ATP6V0E1: variants seen among roughly 807,000 people sequenced by gnomAD.
The protein encoded by ATP6V0E1 is ATPase H+ transporting V0 subunit e1.
Under a neutral mutation model 11.6 loss-of-function variants are expected in ATP6V0E1, and 4 were observed. That is an observed-to-expected ratio of 0.35 (90% CI 0.17 to 0.79). The LOEUF is 0.79. Among genes scored for constraint, ATP6V0E1 ranks in the 30% least tolerant of loss-of-function variants. ATP6V0E1 has a pLI of 0.54. For synonymous variants in ATP6V0E1, 36 were observed against 34.8 expected, an observed-to-expected ratio of 1.04 and a Z score of -0.13; for missense variants, 105 against 100.0, an observed-to-expected ratio of 1.05 and a Z score of -0.21.
At chr5:173,020,396 G>T in intron 3 of ATP6V0E1, 29 bp downstream of exon 3, 1 of 1,340,256 alleles carries the variant, frequency 7.5e-7, no homozygotes. Context: ...TTTCTTATCA[G>T]TATGGTCAGG....
chr5:172,993,841 A>G (rs889150401), intron 1 of ATP6V0E1, among the ~76,000 whole-genome samples: 1 of 152,106 alleles, frequency 6.6e-6, no homozygotes, highest in Non-Finnish European at 1.5e-5. Context: ...ACTGCACTCT[A>G]GCCTGGGCGA....
intron 2 of ATP6V0E1, among the ~76,000 whole-genome samples, chr5:173,014,618 T>G (rs1257747140): frequency 1.3e-5 from 2 of 152,168 alleles, no homozygotes; most frequent in Non-Finnish European, 2.9e-5. Flanking sequence ...ATAAGCCAAG[T>G]GCAGAAAGAC....
chr5:173,006,984 A>G (rs1469963664), intron 2 of ATP6V0E1, among the ~76,000 whole-genome samples: 1 of 152,194 alleles, frequency 6.6e-6, no homozygotes, highest in Non-Finnish European at 1.5e-5. Context: ...GATAAGAGGA[A>G]TTTTAGACTT....
intron 2 of ATP6V0E1, among the ~76,000 whole-genome samples, chr5:173,017,263 G>C (rs750588193): frequency 7.9e-5 from 12 of 152,202 alleles, no homozygotes; most frequent in Non-Finnish European, 1.3e-4. Context: ...GCTGGGCGTG[G>C]TGGCTCACCC....
chr5:172,995,380 G>A (rs2113584176), intron 2 of ATP6V0E1, among the ~76,000 whole-genome samples: 2 of 152,312 alleles, frequency 1.3e-5, no homozygotes, highest in Middle Eastern at 3.4e-3. Context: ...GGGATTACAG[G>A]CATGAGCCAC....
chr5:173,029,815 C>T (rs564563556), intron 3 of ATP6V0E1, among the ~76,000 whole-genome samples: 48 of 152,240 alleles, frequency 3.2e-4, no homozygotes, highest in Middle Eastern at 3.4e-3. Flanking sequence ...CAGATAAGAA[C>T]GGCTAACCTG....
intron 2 of ATP6V0E1, among the ~76,000 whole-genome samples, chr5:173,000,077 A>G (rs2113588770): frequency 6.6e-6 from 1 of 152,340 alleles, no homozygotes; most frequent in East Asian, 1.9e-4. Context: ...AGGCACACCC[A>G]AAGAGACTTT....
intron 2 of ATP6V0E1, among the ~76,000 whole-genome samples, chr5:172,996,214 G>C (rs1756063440): frequency 6.6e-6 from 1 of 152,176 alleles, no homozygotes. Context: ...TAAAATAGCT[G>C]TGATTTAAAG....
At position 173,034,064 on chromosome 5, in the gene ATP6V0E1, A is replaced by G. The variant is rs142051171; in HGVS notation, c.*37-335A>G. On this transcript the variant is annotated intron_variant, in intron 3 of 3. Coordinates refer to ENST00000519374, the MANE Select transcript of ATP6V0E1 (RefSeq NM_003945.4). ...GCCTGCGGAACCTCCCCTCCATGCT[A>G]TAAGAGGGAAGGGAAAAATACAGAC... Among the ~76,000 whole-genome samples the G allele has an allele frequency of 5.7e-3, 867 of 152,284 alleles. 12 individuals are homozygous for G. Among genetic ancestry groups the G allele is most frequent in the African/African-American group, 0.02 (813 of 41,562 alleles).
At chr5:172,996,574 A>AAAATACATACATACATACATACATAC (rs1292001050) in intron 2 of ATP6V0E1, among the ~76,000 whole-genome samples, 89 of 151,796 alleles carry the variant, frequency 5.9e-4, no homozygotes, top group African/African-American at 2.1e-3. Context: ...AAAAAAAAAA[A>AAAATACATACATACATACATACATAC]ATACATACAT....
intron 2 of ATP6V0E1, among the ~76,000 whole-genome samples, chr5:173,005,276 C>T (rs1756213020): frequency 1.3e-5 from 2 of 151,906 alleles, no homozygotes; most frequent in South Asian, 4.1e-4. Flanking sequence ...TCTCCATGTC[C>T]AGCCTCATGG....
At chr5:173,028,871 C>T (rs1428542604) in intron 3 of ATP6V0E1, among the ~76,000 whole-genome samples, 1 of 152,162 alleles carries the variant, frequency 6.6e-6, no homozygotes, top group African/African-American at 2.4e-5. Flanking sequence ...TGTTGATGTT[C>T]ACTTTCCTAC....
At position 173,034,814 on chromosome 5, in the gene ATP6V0E1, G is replaced by A. The variant is rs15179; in HGVS notation, c.*452G>A. On this transcript the variant is annotated 3_prime_UTR_variant, in exon 4 of 4. Coordinates refer to ENST00000519374, the MANE Select transcript of ATP6V0E1 (RefSeq NM_003945.4). ...AGGGAAGAGCCATCTCAACAGAATC[G>A]CACCAAACTATACTTTCAGGATGAA... The A allele has an allele frequency of 5.5e-3, 1,079 of 194,570 alleles. 3 individuals are homozygous for A. The highest frequency in any genetic ancestry group is 9.5e-3 in the Non-Finnish European group (908 of 95,838). The allele number at this position is 194,570 out of a possible 1,614,324, so 12.1% of individuals were successfully genotyped here. A position where few individuals can be genotyped will look rare whatever the true frequency, so the allele number is the denominator to read the frequency against.
intron 2 of ATP6V0E1, among the ~76,000 whole-genome samples, chr5:173,006,822 A>G (rs1756237953): frequency 6.6e-6 from 1 of 152,012 alleles, no homozygotes. Flanking sequence ...TGGCCTGAGA[A>G]TTGTTTGAAT....
intron 2 of ATP6V0E1, among the ~76,000 whole-genome samples, chr5:173,015,653 C>T (rs192788798): frequency 1.7e-4 from 26 of 152,154 alleles, no homozygotes; most frequent in Non-Finnish European, 2.6e-4. Context: ...CTGGTGTTCC[C>T]AGGAAGAGCA....
intron 2 of ATP6V0E1, among the ~76,000 whole-genome samples, chr5:173,012,511 G>T (rs1393914304): frequency 1.3e-5 from 2 of 151,954 alleles, no homozygotes; most frequent in Admixed American, 6.6e-5. Flanking sequence ...CCAGCACTTT[G>T]GGAGGCCAAG....
chr5:173,009,269 G>A (rs180732492), intron 2 of ATP6V0E1, among the ~76,000 whole-genome samples: 1 of 151,604 alleles, frequency 6.6e-6, no homozygotes, highest in Admixed American at 6.6e-5. Flanking sequence ...AAAAGAACTC[G>A]CCTGAAGCCA....
chr5:173,012,430 T>C (rs1411433231), intron 2 of ATP6V0E1, among the ~76,000 whole-genome samples: 1 of 151,980 alleles, frequency 6.6e-6, no homozygotes, highest in East Asian at 1.9e-4. Flanking sequence ...TCTGTCACCA[T>C]ATACAAAAGT....
chr5:173,029,545 C>T (rs145145672), intron 3 of ATP6V0E1, among the ~76,000 whole-genome samples: 65 of 152,184 alleles, frequency 4.3e-4, no homozygotes, highest in African/African-American at 1.5e-3. Flanking sequence ...CTGGCTCTAC[C>T]GTCATCTATC....
Sources: allele counts gnomAD v4.1 joint callset (sites outside exome capture counted in the v4.1 genomes callset), GRCh38; gene constraint gnomAD v4.1.1; transcripts MANE v1.5; gene names NCBI Gene and HGNC (gene_info 2026-07-23, HGNC 2026-07-21).